NAV1: variants seen among roughly 807,000 people sequenced by gnomAD.
The protein encoded by NAV1 is pore membrane and/or filament interacting like protein 3.
NAV1 carries 18 observed loss-of-function variants against 175.2 expected under a neutral mutation model. The ratio of observed to expected loss-of-function variants is 0.10; its 90% CI spans 0.07 to 0.15. NAV1 has a LOEUF of 0.15. Among genes scored for constraint, NAV1 ranks in the 10% least tolerant of loss-of-function variants. NAV1 has a pLI of 1.00. For synonymous variants in NAV1, 897 were observed against 978.7 expected, an observed-to-expected ratio of 0.92 and a Z score of 1.56; for missense variants, 1,731 against 2,436.6, an observed-to-expected ratio of 0.71 and a Z score of 6.10.
At chr1:201,756,042 G>A (rs1038865146) in intron 3 of NAV1, among the ~76,000 whole-genome samples, 5 of 151,322 alleles carry the variant, frequency 3.3e-5, no homozygotes, top group African/African-American at 1.2e-4. Flanking sequence ...GGGAGTCAGA[G>A]GTTGCAGTGA....
chr1:201,756,761 G>A (rs2102616232), intron 3 of NAV1, among the ~76,000 whole-genome samples: 1 of 152,260 alleles, frequency 6.6e-6, no homozygotes, highest in East Asian at 1.9e-4. Flanking sequence ...TTCTCCAGGT[G>A]TCTGGAAAAG....
chr1:201,732,368 A>T (rs1672897384), intron 3 of NAV1, among the ~76,000 whole-genome samples: 1 of 152,140 alleles, frequency 6.6e-6, no homozygotes, highest in African/African-American at 2.4e-5. Context: ...TGGTAGAGGC[A>T]GGGTTTTACC....
intron 2 of NAV1, among the ~76,000 whole-genome samples, chr1:201,590,752 C>T (rs1013419531): frequency 3.3e-5 from 5 of 152,180 alleles, no homozygotes; most frequent in Admixed American, 2.0e-4. Context: ...GCCTCTTGCC[C>T]GTCTGAGAAC....
At chr1:201,804,579 TAAAAAAAA>T in intron 17 of NAV1, 82 bp downstream of exon 21, 13 of 356,540 alleles carry the variant, frequency 3.6e-5, no homozygotes, top group South Asian at 1.4e-4. Context: ...TCCCTTCCCC[TAAAAAAAA>T]AAAAAAAAAA....
At chr1:201,589,178 A>G (rs1277374498) in intron 2 of NAV1, among the ~76,000 whole-genome samples, 1 of 152,182 alleles carries the variant, frequency 6.6e-6, no homozygotes, top group Non-Finnish European at 1.5e-5. Context: ...TATTTGAATC[A>G]TATCTCCATT....
At chr1:201,616,428 C>T (rs1045732675) in intron 2 of NAV1, among the ~76,000 whole-genome samples, 1 of 152,140 alleles carries the variant, frequency 6.6e-6, no homozygotes, top group Non-Finnish European at 1.5e-5. Flanking sequence ...CTCCCCAGAT[C>T]CTGCCTCACT....
chr1:201,691,476 CAG>C (rs1319518753), intron 1 of NAV1, among the ~76,000 whole-genome samples: 1 of 152,162 alleles, frequency 6.6e-6, no homozygotes, highest in East Asian at 1.9e-4. Flanking sequence ...ATAGAAAGTG[CAG>C]AGAATGCTCA....
chr1:201,781,950 T>C, intron 5 of NAV1, among the ~76,000 whole-genome samples: 1 of 152,234 alleles, frequency 6.6e-6, no homozygotes, highest in South Asian at 2.1e-4. Flanking sequence ...CATTCTACTC[T>C]GGGAGCAAAA....
At chr1:201,804,574 TC>T in intron 17 of NAV1, 77 bp downstream of exon 21, 1 of 551,228 alleles carries the variant, frequency 1.8e-6, no homozygotes, top group Non-Finnish European at 2.9e-6. Context: ...GCAACTCCCT[TC>T]CCCTAAAAAA....
intron 3 of NAV1, among the ~76,000 whole-genome samples, chr1:201,766,783 T>G (rs981407604): frequency 7.9e-5 from 12 of 152,126 alleles, no homozygotes; most frequent in African/African-American, 2.9e-4. Context: ...GACAGCGCTT[T>G]CCAACAGAAA....
At position 201,811,578 on chromosome 1, in the gene NAV1, G is replaced by A. The variant is rs777505355; in HGVS notation, c.4798-25G>A. 6.8e-6 allele frequency: 11 copies of A among 1,613,866 alleles called. No individual in the cohort carries two copies. The South Asian group carries it at 1.1e-4, about 16-fold the overall frequency. ...ATCCAGCTGCTTATTCCCAAGTGCT[G>A]ACCCACAGCCTTCTTTTATTCCAGG... On this transcript the variant is annotated intron_variant, in intron 24 of 29. Transcript: ENST00000367296.
chr1:201,549,148 T>TCTTTC (rs1665769500), intron 1 of NAV1, among the ~76,000 whole-genome samples: 1 of 148,442 alleles, frequency 6.7e-6, no homozygotes, highest in East Asian at 2.0e-4. Flanking sequence ...TCTTTCTTCT[T>TCTTTC]TCTCTCTCTC....
intron 1 of NAV1, among the ~76,000 whole-genome samples, chr1:201,547,127 C>T (rs543253228): frequency 7.3e-4 from 111 of 151,820 alleles, no homozygotes; most frequent in African/African-American, 2.6e-3. Context: ...GCTGGGATTA[C>T]AGGCACGCGC....
chr1:201,753,239 A>G (rs1031189596), intron 3 of NAV1, among the ~76,000 whole-genome samples: 7 of 152,232 alleles, frequency 4.6e-5, no homozygotes, highest in Non-Finnish European at 8.8e-5. Flanking sequence ...ACTGTGGCAT[A>G]CATACTGCAG....
At chr1:201,687,375 T>G (rs932584226) in intron 1 of NAV1, among the ~76,000 whole-genome samples, 6 of 152,152 alleles carry the variant, frequency 3.9e-5, no homozygotes, top group Non-Finnish European at 7.4e-5. Context: ...ATGGGAGGAT[T>G]GGTAAGAGCT....
At chr1:201,566,163 G>A (rs1170409336) in intron 1 of NAV1, among the ~76,000 whole-genome samples, 1 of 152,082 alleles carries the variant, frequency 6.6e-6, no homozygotes, top group Admixed American at 6.5e-5. Flanking sequence ...TGATGGTGAC[G>A]CTTGCCCACC....
At chr1:201,608,755 C>G (rs1667764178) in intron 2 of NAV1, among the ~76,000 whole-genome samples, 1 of 152,192 alleles carries the variant, frequency 6.6e-6, no homozygotes. Context: ...CTCCTGCAGC[C>G]TGGCGCTGGG....
At position 201,813,656 on chromosome 1, in the gene NAV1, T is replaced by G. The variant is rs1326088118; in HGVS notation, c.5340+398T>G. 6.9e-6 allele frequency among the ~76,000 whole-genome samples: 1 copy of G among 144,508 alleles called. No individual in the cohort carries two copies. The highest frequency in any genetic ancestry group is 2.5e-5 in the African/African-American group (1 of 40,432). 94.8% of individuals were successfully genotyped at this position (144,508 alleles called of 152,430 possible). A position where few individuals can be genotyped will look rare whatever the true frequency, so the allele number is the denominator to read the frequency against. On this transcript the variant is annotated intron_variant, in intron 28 of 29. Coordinates refer to ENST00000367296, the Ensembl canonical transcript of NAV1. The surrounding 1 kb of genome is among the most constrained non-coding windows in gnomAD (Gnocchi z 4.2). ...TATTAACCAAGTTACTTGACCTTTT[T>G]AAATACCCTCATATGTAAAAAAAAA...
upstream of NAV1, among the ~76,000 whole-genome samples, chr1:201,645,024 C>A (rs561992230): frequency 6.6e-6 from 1 of 152,254 alleles, no homozygotes; most frequent in Non-Finnish European, 1.5e-5. Context: ...CGCAGCAGTT[C>A]TAAAGAATTT....
Sources: allele counts gnomAD v4.1 joint callset (sites outside exome capture counted in the v4.1 genomes callset), GRCh38; gene constraint gnomAD v4.1.1; non-coding constraint Gnocchi (gnomAD v3.1); transcripts MANE v1.5; gene names NCBI Gene and HGNC (gene_info 2026-07-23, HGNC 2026-07-21).